The following ABTB3 variants were observed in gnomAD, a reference collection of about 807,000 sequenced individuals.
ABTB3 encodes the protein ankyrin repeat- and BTB/POZ domain-containing protein 3.
At chr12:107,488,129 C>T in the ABTB3 span, among the ~76,000 whole-genome samples, 1 of 151,974 alleles carries the variant, frequency 6.6e-6, no homozygotes, top group African/African-American at 2.4e-5. Flanking sequence ...GTAGCAGATT[C>T]AGTGGGTACC....
the ABTB3 span, among the ~76,000 whole-genome samples, chr12:107,406,793 T>A: frequency 3.1e-4 from 47 of 152,142 alleles, no homozygotes; most frequent in Non-Finnish European, 6.3e-4. Flanking sequence ...CTCCAGATGT[T>A]GCTTTGAAAA....
At chr12:107,340,912 A>G in the ABTB3 span, among the ~76,000 whole-genome samples, 1 of 152,236 alleles carries the variant, frequency 6.6e-6, no homozygotes, top group Non-Finnish European at 1.5e-5. Context: ...CTGAGTGCCC[A>G]TTCTTGGCCA....
At chr12:107,654,832 A>ACACACACACG in the ABTB3 span, among the ~76,000 whole-genome samples, 99 of 147,458 alleles carry the variant, frequency 6.7e-4, 2 homozygotes, top group South Asian at 2.8e-3. Context: ...ACACACACAC[A>ACACACACACG]CACACACACA....
chr12:107,335,736 G>T, the ABTB3 span, among the ~76,000 whole-genome samples: 1 of 152,166 alleles, frequency 6.6e-6, no homozygotes, highest in Non-Finnish European at 1.5e-5. Context: ...AGCTTGGAAA[G>T]TGTCCTGCTG....
chr12:107,415,518 C>G, the ABTB3 span, among the ~76,000 whole-genome samples: 3 of 151,922 alleles, frequency 2.0e-5, no homozygotes, highest in Admixed American at 1.3e-4. Context: ...ACCATCCTGG[C>G]TAACATGGTG....
the ABTB3 span, among the ~76,000 whole-genome samples, chr12:107,621,536 G>C: frequency 1.3e-5 from 2 of 152,200 alleles, no homozygotes; most frequent in Non-Finnish European, 2.9e-5. Flanking sequence ...GAGACATTCT[G>C]TGTATTAAGT....
At chr12:107,392,622 G>A in the ABTB3 span, among the ~76,000 whole-genome samples, 1 of 152,146 alleles carries the variant, frequency 6.6e-6, no homozygotes, top group Non-Finnish European at 1.5e-5. Context: ...TCCCTCAGAA[G>A]GGCTATCTTT....
the ABTB3 span, among the ~76,000 whole-genome samples, chr12:107,614,646 A>G: frequency 1.3e-5 from 2 of 152,242 alleles, no homozygotes; most frequent in African/African-American, 4.8e-5. Flanking sequence ...AACTGCCATT[A>G]CAGCTTCTTC....
the ABTB3 span, among the ~76,000 whole-genome samples, chr12:107,448,060 T>G: frequency 6.6e-6 from 1 of 152,160 alleles, no homozygotes; most frequent in Non-Finnish European, 1.5e-5. Flanking sequence ...CAGAGCAACC[T>G]TGTGAAAGTA....
chr12:107,636,285 A>G, the ABTB3 span, among the ~76,000 whole-genome samples: 1 of 152,156 alleles, frequency 6.6e-6, no homozygotes, highest in South Asian at 2.1e-4. Context: ...GAGAAGGAAT[A>G]TTAGGCTGCT....
At chr12:107,360,930 A>ATTTTTTTTTTTTTTT in the ABTB3 span, among the ~76,000 whole-genome samples, 8 of 84,436 alleles carry the variant, frequency 9.5e-5, no homozygotes, top group Admixed American at 1.8e-4. Context: ...ATTTAATTTA[A>ATTTTTTTTTTTTTTT]TTTTTTTTTT....
the ABTB3 span, among the ~76,000 whole-genome samples, chr12:107,634,284 T>C: frequency 2.0e-5 from 3 of 152,196 alleles, no homozygotes; most frequent in African/African-American, 7.2e-5. Context: ...ATATTTATTG[T>C]TTTTATCACA....
chr12:107,352,198 C>G, the ABTB3 span, among the ~76,000 whole-genome samples: 1 of 152,006 alleles, frequency 6.6e-6, no homozygotes, highest in Admixed American at 6.6e-5. Flanking sequence ...GGTACCTTGT[C>G]TAGGACTTTG....
At chr12:107,330,600 C>T in the ABTB3 span, among the ~76,000 whole-genome samples, 1 of 152,208 alleles carries the variant, frequency 6.6e-6, no homozygotes, top group Non-Finnish European at 1.5e-5. Context: ...GAGTGGGCTA[C>T]TGTCTTGTCC....
the ABTB3 span, chr12:107,320,449 T>C: frequency 2.5e-6 from 1 of 406,204 alleles, no homozygotes; most frequent in African/African-American, 2.1e-5. Context: ...ACCTTGAAGA[T>C]GCCACTTCCC....
the ABTB3 span, among the ~76,000 whole-genome samples, chr12:107,504,083 C>G: frequency 7.2e-5 from 11 of 152,184 alleles, no homozygotes; most frequent in Non-Finnish European, 1.6e-4. Flanking sequence ...GAAAAAGGTG[C>G]AGTACCTTTT....
At chr12:107,516,570 C>T in the ABTB3 span, among the ~76,000 whole-genome samples, 3 of 152,148 alleles carry the variant, frequency 2.0e-5, no homozygotes, top group Admixed American at 2.0e-4. Flanking sequence ...TCCAAAAAGT[C>T]ATCTACTAGG....
chr12:107,634,432 T>C, the ABTB3 span, among the ~76,000 whole-genome samples: 1 of 152,220 alleles, frequency 6.6e-6, no homozygotes, highest in East Asian at 1.9e-4. Flanking sequence ...GAGGGTTTTA[T>C]TGCCAAAAAG....
chr12:107,473,125 T>A, the ABTB3 span, among the ~76,000 whole-genome samples: 1 of 152,166 alleles, frequency 6.6e-6, no homozygotes, highest in Non-Finnish European at 1.5e-5. Flanking sequence ...CTCTTTTCAT[T>A]CGTGAACTTC....
Sources: allele counts gnomAD v4.1 joint callset (sites outside exome capture counted in the v4.1 genomes callset), GRCh38; gene constraint gnomAD v4.1.1; transcripts MANE v1.5; gene names NCBI Gene and HGNC (gene_info 2026-07-23, HGNC 2026-07-21).